Variants in AFF3 observed in about 807,000 individuals in gnomAD.
AFF3 encodes AF4/FMR2 family member 3.
AFF3 carries 32 observed loss-of-function variants against 129.7 expected under a neutral mutation model. That is an observed-to-expected ratio of 0.25 (90% CI 0.19 to 0.33). AFF3 has a LOEUF of 0.33. Ranked by LOEUF, AFF3 falls within the 10% of genes least tolerant of loss-of-function variation. The probability of loss-of-function intolerance (pLI) is 1.00; values close to 1 mark genes in which losing one functional copy is unlikely to be tolerated. For synonymous variants in AFF3, 644 were observed against 635.4 expected, an observed-to-expected ratio of 1.01 and a Z score of -0.20; for missense variants, 1,373 against 1,592.0, an observed-to-expected ratio of 0.86 and a Z score of 2.34.
At chr2:99,930,018 G>A (rs1439029086) in intron 7 of AFF3, among the ~76,000 whole-genome samples, 1 of 151,850 alleles carries the variant, frequency 6.6e-6, no homozygotes, top group Non-Finnish European at 1.5e-5. Context: ...TTTTCAGGAT[G>A]AGATGGAGAC....
chr2:100,018,133 C>A (rs1172762087), intron 4 of AFF3, among the ~76,000 whole-genome samples: 4 of 152,074 alleles, frequency 2.6e-5, no homozygotes, highest in Non-Finnish European at 5.9e-5. Context: ...TGAACTAATA[C>A]TCTAGTCCCT....
intron 11 of AFF3, chr2:99,707,709 T>TC (rs946529807): frequency 2.6e-5 from 25 of 960,680 alleles, no homozygotes; most frequent in Non-Finnish European, 3.0e-5. Context: ...CTTTTTTTTT[T>TC]TTTTCTTTTT....
intron 8 of AFF3, among the ~76,000 whole-genome samples, chr2:99,797,697 GA>G (rs764739957): frequency 2.0e-5 from 3 of 151,982 alleles, no homozygotes; most frequent in Non-Finnish European, 4.4e-5. Flanking sequence ...ACGAAACAGA[GA>G]TTAGGATTAC....
chr2:100,037,449 AT>A, intron 4 of AFF3, among the ~76,000 whole-genome samples: 1 of 121,712 alleles, frequency 8.2e-6, no homozygotes, highest in African/African-American at 3.1e-5. Context: ...TATTTTATAT[AT>A]TATTTATATA....
intron 4 of AFF3, among the ~76,000 whole-genome samples, chr2:100,029,058 C>T (rs1477556282): frequency 1.3e-5 from 2 of 152,120 alleles, no homozygotes; most frequent in Non-Finnish European, 2.9e-5. Context: ...AGTGTGCACA[C>T]TCATAGAATG....
intron 11 of AFF3, among the ~76,000 whole-genome samples, chr2:99,711,933 G>A (rs1677932634): frequency 6.6e-6 from 1 of 152,026 alleles, no homozygotes; most frequent in African/African-American, 2.4e-5. Context: ...AAAAACGTTG[G>A]CACCTGTTAA....
At chr2:100,021,638 C>A (rs973225464) in intron 4 of AFF3, among the ~76,000 whole-genome samples, 1 of 152,116 alleles carries the variant, frequency 6.6e-6, no homozygotes, top group Non-Finnish European at 1.5e-5. Flanking sequence ...TACCCCTCAA[C>A]AAACCTCCTT....
At chr2:100,005,918 AAC>A (rs1176478850) in intron 7 of AFF3, among the ~76,000 whole-genome samples, 1 of 152,238 alleles carries the variant, frequency 6.6e-6, no homozygotes, top group Non-Finnish European at 1.5e-5. Flanking sequence ...GAAAAAACTG[AAC>A]AGTTCCTAAG....
chr2:99,948,274 C>T (rs1675826938), intron 7 of AFF3, among the ~76,000 whole-genome samples: 1 of 152,096 alleles, frequency 6.6e-6, no homozygotes. Flanking sequence ...GGCCTGACTG[C>T]TCCCCATCTG....
At chr2:99,565,415 T>G in intron 20 of AFF3, 72 bp downstream of exon 20, 3 of 1,572,752 alleles carry the variant, frequency 1.9e-6, no homozygotes, top group Non-Finnish European at 2.6e-6. Context: ...TGACATTCTT[T>G]TCTCTGTAAC....
At chr2:99,761,453 T>C (rs1238451876) in intron 8 of AFF3, among the ~76,000 whole-genome samples, 1 of 151,068 alleles carries the variant, frequency 6.6e-6, no homozygotes, top group Non-Finnish European at 1.5e-5. Context: ...TAGACTTTCA[T>C]GTGCTCCATC....
chr2:99,725,845 C>T (rs1679322930), intron 11 of AFF3, among the ~76,000 whole-genome samples: 1 of 152,098 alleles, frequency 6.6e-6, no homozygotes, highest in Non-Finnish European at 1.5e-5. Flanking sequence ...ACAATTAAAA[C>T]TTTTATAAAA....
chr2:100,083,872 A>C (rs986430477), intron 4 of AFF3, among the ~76,000 whole-genome samples: 1 of 152,084 alleles, frequency 6.6e-6, no homozygotes, highest in Non-Finnish European at 1.5e-5. Flanking sequence ...AGCCAGCTCC[A>C]GGGACCAGCC....
At chr2:100,122,638 G>A (rs911087506) in intron 2 of AFF3, among the ~76,000 whole-genome samples, 2 of 152,200 alleles carry the variant, frequency 1.3e-5, no homozygotes, top group South Asian at 2.1e-4. Flanking sequence ...GCCCAGGTGC[G>A]TGCAATTGAG....
chr2:99,608,266 C>T (rs939073106), intron 13 of AFF3, among the ~76,000 whole-genome samples: 26 of 152,152 alleles, frequency 1.7e-4, no homozygotes, highest in African/African-American at 6.3e-4. Context: ...CCTCCTACTC[C>T]CTCTGCAGGA....
rs1008660758 is a variant in AFF3 at position 99,758,189 on chromosome 2, T to C, written c.922-5888A>G. On this transcript the variant is annotated intron_variant, in intron 8 of 24. Coordinates refer to ENST00000672756, the MANE Select transcript of AFF3 (RefSeq NM_001386135.1). ...TTATCTTTAACCTGAAGTACTCTTA[T>C]AGCATCCTGATTGGTTCTCTGTCTT... Among the ~76,000 whole-genome samples, 4 of 152,238 alleles carry C rather than the reference T, an allele frequency of 2.6e-5. No individual in the cohort carries two copies. In the South Asian group the frequency reaches 8.3e-4, roughly 31 times the overall value.
intron 4 of AFF3, among the ~76,000 whole-genome samples, chr2:100,051,702 G>A (rs768897620): frequency 6.6e-6 from 1 of 152,186 alleles, no homozygotes; most frequent in African/African-American, 2.4e-5. Flanking sequence ...GTCCGCCTCT[G>A]TGTGTTCACA....
At chr2:100,072,321 TCTAA>T (rs1194260979) in intron 4 of AFF3, among the ~76,000 whole-genome samples, 1 of 152,158 alleles carries the variant, frequency 6.6e-6, no homozygotes, top group Non-Finnish European at 1.5e-5. Flanking sequence ...TTTATGAAAA[TCTAA>T]CTAATGCCTG....
At chr2:99,637,384 A>C (rs1353018857) in intron 13 of AFF3, among the ~76,000 whole-genome samples, 1 of 152,244 alleles carries the variant, frequency 6.6e-6, no homozygotes, top group African/African-American at 2.4e-5. Flanking sequence ...AGACAGTGGC[A>C]CCTGTGTTCA....
Sources: allele counts gnomAD v4.1 joint callset (sites outside exome capture counted in the v4.1 genomes callset), GRCh38; gene constraint gnomAD v4.1.1; transcripts MANE v1.5; gene names NCBI Gene and HGNC (gene_info 2026-07-23, HGNC 2026-07-21).